Variants in CCR5AS observed in about 807,000 individuals in gnomAD.
CCR5AS encodes CCR5 antisense RNA.
intron 2 of CCR5AS, among the ~76,000 whole-genome samples, chr3:46,384,336 C>T (rs941586154): frequency 5.3e-5 from 8 of 152,190 alleles, no homozygotes; most frequent in Admixed American, 6.5e-5. Context: ...TTACTGTACA[C>T]GTGGTTGACA....
chr3:46,367,561 A>T (rs1180732537), intron 3 of CCR5AS, among the ~76,000 whole-genome samples: 2 of 152,112 alleles, frequency 1.3e-5, no homozygotes, highest in African/African-American at 4.8e-5. Flanking sequence ...TGGTTTTATA[A>T]TTAGACATTT....
intron 1 of CCR5AS, among the ~76,000 whole-genome samples, chr3:46,396,091 T>C (rs1701959978): frequency 6.6e-6 from 1 of 152,242 alleles, no homozygotes; most frequent in Non-Finnish European, 1.5e-5. Flanking sequence ...GACCAAACCC[T>C]TTCCTGCACA....
intron 1 of CCR5AS, among the ~76,000 whole-genome samples, chr3:46,395,469 C>T (rs970839276): frequency 6.6e-5 from 10 of 152,056 alleles, no homozygotes; most frequent in African/African-American, 1.9e-4. Context: ...GAGCCAAATC[C>T]GGGGGATTGG....
chr3:46,396,928 C>T (rs1701965846), intron 1 of CCR5AS, among the ~76,000 whole-genome samples: 1 of 152,218 alleles, frequency 6.6e-6, no homozygotes, highest in South Asian at 2.1e-4. Flanking sequence ...TTCTCTTTCA[C>T]TAAGACTCAG....
chr3:46,383,772 TTCAGTTGTGCACTA>T (rs2106763265), intron 2 of CCR5AS, among the ~76,000 whole-genome samples: 1 of 152,266 alleles, frequency 6.6e-6, no homozygotes, highest in South Asian at 2.1e-4. Flanking sequence ...TCCCCTCTAG[TTCAGTTGTGCACTA>T]ACCATCTGCA....
intron 1 of CCR5AS, among the ~76,000 whole-genome samples, chr3:46,397,305 T>C (rs1256098846): frequency 1.3e-5 from 2 of 152,182 alleles, no homozygotes; most frequent in African/African-American, 2.4e-5. Context: ...CAGAGGACGG[T>C]TCCACTTTGT....
exon 2 of CCR5AS, chr3:46,392,826 C>T (rs1291188995): frequency 2.9e-5 from 6 of 205,408 alleles, no homozygotes; most frequent in Non-Finnish European, 5.7e-5. Flanking sequence ...ACCGCTTACC[C>T]GGTTTGAAAT....
chr3:46,379,018 T>TA (rs966101746), intron 2 of CCR5AS, among the ~76,000 whole-genome samples: 5 of 146,184 alleles, frequency 3.4e-5, no homozygotes, highest in Non-Finnish European at 6.0e-5. Flanking sequence ...TTTTTTTTTT[T>TA]ACTTCTATTT....
At chr3:46,373,175 C>G in intron 2 of CCR5AS, 1 of 1,614,136 alleles carries the variant, frequency 6.2e-7, no homozygotes, top group Non-Finnish European at 8.5e-7. Flanking sequence ...ACTATGCTGC[C>G]GCCCAGTGGG....
intron 1 of CCR5AS, among the ~76,000 whole-genome samples, chr3:46,404,931 G>A (rs1559577901): frequency 6.6e-6 from 1 of 152,232 alleles, no homozygotes; most frequent in Non-Finnish European, 1.5e-5. Context: ...TACAGTGATA[G>A]TTCCTTCGAC....
chr3:46,376,773 A>G (rs1049995649), intron 2 of CCR5AS, among the ~76,000 whole-genome samples: 3 of 152,208 alleles, frequency 2.0e-5, no homozygotes, highest in African/African-American at 7.2e-5. Flanking sequence ...CAGGTGCTAC[A>G]GGTGGAGGGG....
chr3:46,393,493 A>AAAG (rs753202947), intron 1 of CCR5AS, among the ~76,000 whole-genome samples: 1 of 148,218 alleles, frequency 6.7e-6, no homozygotes, highest in Admixed American at 6.6e-5. Context: ...AAAGAAAAAA[A>AAAG]AAGAAGAAGA....
intron 2 of CCR5AS, chr3:46,373,131 C>T: frequency 1.2e-6 from 2 of 1,614,180 alleles, no homozygotes; most frequent in Admixed American, 1.7e-5. Context: ...CATCTCTGAC[C>T]TGTTTTTCCT....
At chr3:46,388,547 G>T (rs1292993676) in intron 2 of CCR5AS, among the ~76,000 whole-genome samples, 1 of 152,148 alleles carries the variant, frequency 6.6e-6, no homozygotes, top group East Asian at 1.9e-4. Flanking sequence ...TGAGTTTTTG[G>T]TCTCCATCCT....
intron 1 of CCR5AS, among the ~76,000 whole-genome samples, chr3:46,406,162 C>T (rs1344776978): frequency 6.6e-6 from 1 of 152,168 alleles, no homozygotes; most frequent in Non-Finnish European, 1.5e-5. Flanking sequence ...AGGAATGCGC[C>T]TCAGTGCCAG....
intron 2 of CCR5AS, among the ~76,000 whole-genome samples, chr3:46,391,138 T>G (rs1047523673): frequency 6.6e-6 from 1 of 152,042 alleles, no homozygotes; most frequent in African/African-American, 2.4e-5. Flanking sequence ...TGATTTCCAG[T>G]GGGGTCTCGC....
At chr3:46,384,453 T>C (rs189070903) in intron 2 of CCR5AS, among the ~76,000 whole-genome samples, 1 of 152,340 alleles carries the variant, frequency 6.6e-6, no homozygotes, top group East Asian at 1.9e-4. Flanking sequence ...TCCAGATTGC[T>C]TATCTATGTC....
chr3:46,368,824 A>G (rs946266455), intron 3 of CCR5AS, among the ~76,000 whole-genome samples: 1 of 152,140 alleles, frequency 6.6e-6, no homozygotes, highest in Non-Finnish European at 1.5e-5. Context: ...ATGTCTTCAC[A>G]TCCTCCAATA....
chr3:46,380,585 G>T (rs142050986), intron 2 of CCR5AS, among the ~76,000 whole-genome samples: 139 of 152,288 alleles, frequency 9.1e-4, no homozygotes, highest in African/African-American at 3.3e-3. Flanking sequence ...CTCTGATGTC[G>T]TGGGTCTGGA....
Sources: gnomAD v4.1 joint callset for allele counts (sites outside exome capture counted in the v4.1 genomes callset) on GRCh38, gnomAD v4.1.1 for gene constraint, MANE v1.5 for transcripts, NCBI Gene and HGNC (gene_info 2026-07-23, HGNC 2026-07-21) for gene names.